The following TCERG1 variants were observed in gnomAD, a reference collection of about 807,000 sequenced individuals.
TCERG1 encodes TATA box binding protein (TBP)-associated factor, RNA polymerase II, S, 150kD.
A neutral mutation model predicts 144.7 loss-of-function variants in TCERG1; 37 were observed. The ratio of observed to expected loss-of-function variants is 0.26; its 90% CI spans 0.20 to 0.34. TCERG1 has a LOEUF of 0.34. TCERG1 is among the 10% of genes least tolerant of loss of function. The pLI is 1.00. For synonymous variants in TCERG1, 492 were observed against 458.2 expected (o/e 1.07, Z -0.94); for missense variants, 1,027 against 1,380.7 (o/e 0.74, Z 4.06).
At chr5:146,451,098 A>C (rs1242341849) in intron 1 of TCERG1, among the ~76,000 whole-genome samples, 2 of 152,192 alleles carry the variant, frequency 1.3e-5, no homozygotes, top group African/African-American at 4.8e-5. Context: ...TACAGAAATG[A>C]ATACTGTAGA....
chr5:146,492,361 T>C (rs1477015563), intron 15 of TCERG1, among the ~76,000 whole-genome samples: 1 of 152,194 alleles, frequency 6.6e-6, no homozygotes. Flanking sequence ...TCTTTTTTTC[T>C]CAATCATTGT....
Position 146,469,728 on chromosome 5 carries a change from A to G in TCERG1, c.1383A>G (p.Gln461=), listed in dbSNP as rs1207376270. ...RTLESTWEKP[Q]ELKEKEKLEE... is the part of the protein sequence containing the mutation. The stretch of plus-strand genomic sequence containing the variant: ...TAGAATCAACCTGGGAAAAACCCCA[A>G]GAACTAAAGGAAAAAGGTATATAGT... The change falls in exon 7 of 23, where the codon CAA becomes CAG. Residue 461 remains glutamine, a synonymous_variant. Coordinates refer to ENST00000679501, the MANE Select transcript of TCERG1 (RefSeq NM_001382548.1). The G allele has an allele frequency of 3.1e-6, 5 of 1,605,206 alleles. No individual in the cohort carries two copies. The highest frequency in any genetic ancestry group is 2.2e-5 in the East Asian group (1 of 44,468).
At chr5:146,486,875 G>A (rs906337307) in intron 15 of TCERG1, among the ~76,000 whole-genome samples, 1 of 152,138 alleles carries the variant, frequency 6.6e-6, no homozygotes, top group African/African-American at 2.4e-5. Context: ...AGGAGTTCGA[G>A]ACCAGCCTGG....
At position 146,447,435 on chromosome 5, in the gene TCERG1, C is replaced by G. The variant is rs370503973; in HGVS notation, c.59+27C>G. 52 of 1,605,110 alleles carry G rather than the reference C, an allele frequency of 3.2e-5. No individual in the cohort carries two copies. In the African/African-American group the frequency reaches 6.5e-4, roughly 20 times the overall value. On this transcript the variant is annotated intron_variant, in intron 1 of 22. Coordinates refer to ENST00000679501, the MANE Select transcript of TCERG1 (RefSeq NM_001382548.1). ...TAAGGAACGCTGCCCTCCTTCACAT[C>G]TCTGCTCACGAGAGCCCCAGAGGCT... is the stretch of plus-strand genomic sequence containing the variant.
intron 4 of TCERG1, among the ~76,000 whole-genome samples, chr5:146,460,115 A>G (rs1714315564): frequency 6.6e-6 from 1 of 152,238 alleles, no homozygotes; most frequent in South Asian, 2.1e-4. Flanking sequence ...GGATGCGAGT[A>G]GGTGAATTGA....
Position 146,468,387 on chromosome 5 carries a change from C to T in TCERG1, c.1182C>T (p.Val394=), listed in dbSNP as rs763547220. ...TCAGCTGCCCGTATGTAAAGACAGT[C>T]GCTACCACCAAGACCGGTAATTTTT... ...QIVSCPYVKT[V]ATTKTGVLPG... is the part of the protein sequence containing the mutation. Residue 394 remains valine (V), a synonymous_variant, in exon 6 of 23, where the codon GTC becomes GTT. Coordinates refer to ENST00000679501, the MANE Select transcript of TCERG1 (RefSeq NM_001382548.1). 3.1e-6 allele frequency: 5 copies of T among 1,609,536 alleles called. No individual in the cohort carries two copies. Among genetic ancestry groups the T allele is most frequent in the East Asian group, 4.5e-5 (2 of 44,586 alleles).
intron 16 of TCERG1, among the ~76,000 whole-genome samples, chr5:146,497,719 A>C (rs1327704854): frequency 6.6e-6 from 1 of 152,090 alleles, no homozygotes; most frequent in Non-Finnish European, 1.5e-5. Context: ...GTTAATGTGA[A>C]TCTCTGAAAG....
chr5:146,486,090 G>T (rs73793188), intron 15 of TCERG1, among the ~76,000 whole-genome samples: 37,270 of 152,052 alleles, frequency 0.25, 5,680 homozygotes, highest in East Asian at 0.84. Context: ...AAATAAACAC[G>T]TTTTTTGAAT....
intron 15 of TCERG1, among the ~76,000 whole-genome samples, chr5:146,487,113 T>G (rs1368739913): frequency 6.6e-6 from 1 of 151,910 alleles, no homozygotes; most frequent in Non-Finnish European, 1.5e-5. Flanking sequence ...CTAAACTGAT[T>G]CAGGAAAATT....
intron 1 of TCERG1, among the ~76,000 whole-genome samples, chr5:146,450,560 A>G (rs1762263481): frequency 6.6e-6 from 1 of 152,222 alleles, no homozygotes; most frequent in Admixed American, 6.5e-5. Context: ...AATAACTTAG[A>G]TAGCACTTAC....
chr5:146,492,829 A>G (rs1766554121), intron 15 of TCERG1, 91 bp from the exon 16 acceptor site: 1 of 857,006 alleles, frequency 1.2e-6, no homozygotes, highest in Non-Finnish European at 1.9e-6. Context: ...TTTTCCTGGT[A>G]TAGTTTGGAC....
At chr5:146,489,871 T>C (rs1423145500) in intron 15 of TCERG1, among the ~76,000 whole-genome samples, 1 of 152,128 alleles carries the variant, frequency 6.6e-6, no homozygotes, top group Non-Finnish European at 1.5e-5. Flanking sequence ...TTGGAAAGCA[T>C]GACACAAATT....
rs192615671 is a variant in TCERG1, at chr5:146,458,876, C to T, written c.439-8C>T. 7 of 1,582,462 alleles carry T rather than the reference C, an allele frequency of 4.4e-6. No homozygotes were observed. Among genetic ancestry groups the T allele is most frequent in the East Asian group, 4.5e-5 (2 of 44,390 alleles). Reference sequence around the variant, plus strand: ...TTATGATACCATTGATTTTTGCTTCCGCTGCAGGTTTATTATTATAATGCT... The same window carrying T: ...TTATGATACCATTGATTTTTGCTTCTGCTGCAGGTTTATTATTATAATGCT... On this transcript the variant is annotated splice_region_variant and splice_polypyrimidine_tract_variant and intron_variant, in intron 3 of 22. Coordinates refer to ENST00000679501, the MANE Select transcript of TCERG1 (RefSeq NM_001382548.1).
intron 15 of TCERG1, among the ~76,000 whole-genome samples, chr5:146,486,921 C>A (rs899445760): frequency 6.6e-6 from 1 of 151,970 alleles, no homozygotes; most frequent in Non-Finnish European, 1.5e-5. Context: ...CTAAAAATAT[C>A]TCTACTAAAA....
intron 17 of TCERG1, among the ~76,000 whole-genome samples, chr5:146,501,660 A>G (rs1169173442): frequency 6.6e-6 from 1 of 152,220 alleles, no homozygotes; most frequent in East Asian, 1.9e-4. Flanking sequence ...CAAAGTAGAC[A>G]AGATGAACAG....
intron 12 of TCERG1, among the ~76,000 whole-genome samples, 174 bp from the exon 13 acceptor site, chr5:146,480,976 T>TAA (rs143085828): frequency 5.4e-5 from 8 of 148,346 alleles, no homozygotes; most frequent in Admixed American, 1.3e-4. Context: ...GCTTTTTTTT[T>TAA]AAAAAAAAAA....
intron 19 of TCERG1, among the ~76,000 whole-genome samples, chr5:146,505,996 C>T (rs1027830655): frequency 2.6e-5 from 4 of 152,192 alleles, no homozygotes; most frequent in African/African-American, 7.2e-5. Context: ...AGGCTGGTCT[C>T]GAACTCCTGA....
chr5:146,507,603 A>G lies in TCERG1; in HGVS notation c.2962-270A>G. ...CTCTTTTTGGTGATGGTTTCTTCAG[A>G]AGTTATGATGTTTGCCCATGTAAAT... On this transcript the variant is annotated intron_variant, in intron 20 of 22. Transcript: ENST00000679501. The surrounding 1 kb of genome is among the most constrained non-coding windows in gnomAD (Gnocchi z 4.6). The G allele has an allele frequency of 2.9e-6, 1 of 345,924 alleles. No homozygotes were observed. Among genetic ancestry groups the G allele is most frequent in the South Asian group, 9.7e-5 (1 of 10,312 alleles). The allele number at this position is 345,924 out of a possible 1,614,324, so 21.4% of individuals were successfully genotyped here. A position where few individuals can be genotyped will look rare whatever the true frequency, so the allele number is the denominator to read the frequency against.
intron 1 of TCERG1, among the ~76,000 whole-genome samples, chr5:146,451,176 T>A (rs1157044449): frequency 3.9e-5 from 6 of 152,220 alleles, no homozygotes; most frequent in Non-Finnish European, 7.3e-5. Flanking sequence ...AACTCAAGCC[T>A]GAAACAGAGT....
Sources: allele counts gnomAD v4.1 joint callset (sites outside exome capture counted in the v4.1 genomes callset), GRCh38; gene constraint gnomAD v4.1.1; non-coding constraint Gnocchi (gnomAD v3.1); transcripts MANE v1.5; gene names NCBI Gene and HGNC (gene_info 2026-07-23, HGNC 2026-07-21).